The following MN1 variants were observed in gnomAD, a reference collection of about 807,000 sequenced individuals.
MN1 encodes the protein transcriptional activator MN1.
MN1 carries 19 observed loss-of-function variants against 86.9 expected under a neutral mutation model. The observed-to-expected ratio is 0.22, with a 90% confidence interval of 0.15 to 0.32. The LOEUF is 0.32. Ranked by LOEUF, MN1 falls within the 10% of genes least tolerant of loss-of-function variation. MN1 has a pLI of 1.00. For synonymous variants in MN1, 928 were observed against 849.6 expected (o/e 1.09, Z -1.60); for missense variants, 1,841 against 1,862.0 (o/e 0.99, Z 0.21).
intron 1 of MN1, among the ~76,000 whole-genome samples, chr22:27,776,237 G>A (rs1267339959): frequency 6.6e-6 from 1 of 152,158 alleles, no homozygotes; most frequent in Admixed American, 6.5e-5. Flanking sequence ...TTTGCAGTGG[G>A]GCAGGCTCTC....
At position 27,797,572 on chromosome 22, in the gene MN1, G is replaced by C; in HGVS notation, c.2972C>G (p.Ala991Gly). 4.4e-6 allele frequency: 7 copies of C among 1,604,704 alleles called. No homozygotes were observed. Among genetic ancestry groups the C allele is most frequent in the Non-Finnish European group, 6.0e-6 (7 of 1,175,746 alleles). The change falls in exon 1 of 2, where the codon GCA becomes GGA. Residue 991 changes from alanine (A) to glycine (G), a missense_variant. Physicochemically the swap from Ala to Gly is moderately conservative, Grantham distance 60 (BLOSUM62 0). Transcript: ENST00000302326. The part of the protein sequence containing the change: ...ASGAAVGGSS[A>G]GETRGAPTPH... ...CGTCGGTGCCCCGCGCGTCTCGCCT[G>C]CGGAGCTTCCCCCGACGGCTGCGCC...
chr22:27,799,910 A>G lies in MN1; in HGVS notation c.634T>C (p.Ser212Pro), dbSNP rs1299999031. 1.9e-6 allele frequency: 3 copies of G among 1,601,916 alleles called. No homozygotes were observed. The highest frequency in any genetic ancestry group is 2.6e-6 in the Non-Finnish European group (3 of 1,175,214). The change falls in exon 1 of 2, where the codon TCC becomes CCC. Residue 212 changes from serine to proline, a missense_variant. By Grantham distance (74) the Ser-to-Pro change is moderately conservative. Coordinates refer to ENST00000302326, the MANE Select transcript of MN1 (RefSeq NM_002430.3). ...SFHGLPSSSGSDSHSLEPRRV... is the reference protein window; with the variant it reads ...SFHGLPSSSGPDSHSLEPRRV... Reference sequence around the variant, plus strand: ...CGTGGCTCCAGACTGTGGGAATCGGAGCCGCTGGAGGACGGCAGGCCGTGG... The same window carrying G: ...CGTGGCTCCAGACTGTGGGAATCGGGGCCGCTGGAGGACGGCAGGCCGTGG...
intron 1 of MN1, among the ~76,000 whole-genome samples, chr22:27,771,025 A>G (rs986293979): frequency 8.6e-5 from 13 of 151,976 alleles, no homozygotes; most frequent in African/African-American, 2.9e-4. Flanking sequence ...AATAATAGTC[A>G]TTGGGTCCAT....
intron 1 of MN1, among the ~76,000 whole-genome samples, chr22:27,769,844 G>A (rs556314850): frequency 6.2e-5 from 9 of 145,674 alleles, no homozygotes; most frequent in South Asian, 4.8e-4. Flanking sequence ...ATGAGCAACT[G>A]TGCCCGGCAA....
intron 1 of MN1, among the ~76,000 whole-genome samples, chr22:27,773,619 G>C (rs975583364): frequency 6.6e-6 from 1 of 152,148 alleles, no homozygotes; most frequent in Non-Finnish European, 1.5e-5. Context: ...AGGATGCTAG[G>C]ACCCAAACCC....
intron 1 of MN1, among the ~76,000 whole-genome samples, chr22:27,777,767 C>T (rs1932998643): frequency 6.6e-6 from 1 of 151,326 alleles, no homozygotes; most frequent in East Asian, 1.9e-4. Flanking sequence ...TGCTAGCTAC[C>T]AGGGAGGCTG....
chr22:27,793,282 A>G (rs1484881558), intron 1 of MN1, among the ~76,000 whole-genome samples: 1 of 151,854 alleles, frequency 6.6e-6, no homozygotes, highest in Non-Finnish European at 1.5e-5. Flanking sequence ...TCTATAATCT[A>G]TCATTATCTC....
rs537733430 is a variant in MN1, at chr22:27,773,950, G to A, written c.3781+22813C>T. 2.6e-5 allele frequency among the ~76,000 whole-genome samples: 4 copies of A among 152,170 alleles called. No individual in the cohort carries two copies. The South Asian group carries it at 8.3e-4, about 32-fold the overall frequency. Reference sequence around the variant, plus strand: ...ATTACAGGCGTGAGCCACCGCGCCCGGCCTTGATCCTTTGATGTACATGAG... The same window carrying A: ...ATTACAGGCGTGAGCCACCGCGCCCAGCCTTGATCCTTTGATGTACATGAG... On this transcript the variant is annotated intron_variant, in intron 1 of 1. Coordinates refer to ENST00000302326, the MANE Select transcript of MN1 (RefSeq NM_002430.3).
rs760703202 is a variant in MN1 at position 27,751,067 on chromosome 22, C to T, written c.3811G>A (p.Ala1271Thr). The change falls in exon 2 of 2, where the codon GCA (alanine) becomes ACA (threonine). Residue 1271 changes from alanine to threonine, a missense_variant. Coordinates refer to ENST00000302326, the MANE Select transcript of MN1 (RefSeq NM_002430.3). ...TGCAAGTGGCTGCCAGGCTGGGATG[C>T]TGAGGCCTTGTTTGCAGGGAGGTCG... ...AHDLPANKAS[A>T]SQPGSHLQCL... The T allele has an allele frequency of 1.5e-5, 24 of 1,591,640 alleles. No individual in the cohort carries two copies. Among genetic ancestry groups the T allele is most frequent in the Non-Finnish European group, 1.6e-5 (19 of 1,165,942 alleles).
At chr22:27,772,626 C>T (rs1005131659) in intron 1 of MN1, among the ~76,000 whole-genome samples, 1 of 152,138 alleles carries the variant, frequency 6.6e-6, no homozygotes, top group Admixed American at 6.5e-5. Context: ...GAGTGGTGTG[C>T]TGGTGAGAGC....
At chr22:27,767,795 GAA>G (rs1052665768) in intron 1 of MN1, among the ~76,000 whole-genome samples, 1 of 151,424 alleles carries the variant, frequency 6.6e-6, no homozygotes, top group Non-Finnish European at 1.5e-5. Flanking sequence ...TTGACAAAAA[GAA>G]AAAAAAGAGA....
intron 1 of MN1, among the ~76,000 whole-genome samples, chr22:27,783,887 G>A (rs142154998): frequency 6.6e-6 from 1 of 152,282 alleles, no homozygotes; most frequent in Non-Finnish European, 1.5e-5. Flanking sequence ...ACCCAGGCAG[G>A]GAAAACTGGG....
At chr22:27,768,181 C>T (rs1932885057) in intron 1 of MN1, among the ~76,000 whole-genome samples, 1 of 152,114 alleles carries the variant, frequency 6.6e-6, no homozygotes, top group South Asian at 2.1e-4. Flanking sequence ...CCTGCCTTCC[C>T]CTTTGGCCCA....
At chr22:27,783,350 T>C (rs767324910) in intron 1 of MN1, among the ~76,000 whole-genome samples, 17 of 152,144 alleles carry the variant, frequency 1.1e-4, no homozygotes, top group Non-Finnish European at 7.4e-5. Context: ...CATGCTGGTC[T>C]CGAACTCCTG....
At position 27,798,820 on chromosome 22, in the gene MN1, A is replaced by G. The variant is rs1458025954; in HGVS notation, c.1724T>C (p.Leu575Pro). The stretch of plus-strand genomic sequence containing the variant: ...GTCCCCGGGGTGGCCTAGCTGAGCC[A>G]GGTTGGGCTGGCGCAGCCGCTGCTG... ...NQQQRLRQPN[L>P]AQLGHPGDVG... is the part of the protein sequence containing the mutation. The change falls in exon 1 of 2, where the codon CTG (leucine) becomes CCG (proline). Residue 575 changes from leucine to proline, a missense_variant. Transcript: ENST00000302326. The G allele has an allele frequency of 6.5e-7, 1 of 1,537,604 alleles. No homozygotes were observed. Among genetic ancestry groups the G allele is most frequent in the African/African-American group, 1.4e-5 (1 of 73,024 alleles).
chr22:27,775,739 C>T (rs764119314), intron 1 of MN1, among the ~76,000 whole-genome samples: 7 of 152,202 alleles, frequency 4.6e-5, no homozygotes, highest in African/African-American at 7.2e-5. Flanking sequence ...GAGTCCCCTC[C>T]GACTCTAATG....
intron 1 of MN1, among the ~76,000 whole-genome samples, chr22:27,794,395 C>T (rs1264080155): frequency 1.3e-5 from 2 of 152,160 alleles, no homozygotes; most frequent in East Asian, 1.9e-4. Context: ...ACTGTCCTTC[C>T]CACACCACAG....
At chr22:27,762,375 T>C (rs545539440) in intron 1 of MN1, among the ~76,000 whole-genome samples, 82 of 152,280 alleles carry the variant, frequency 5.4e-4, no homozygotes, top group African/African-American at 1.7e-3. Flanking sequence ...AGGGAAGGCC[T>C]GGGGGCAATA....
At chr22:27,790,813 G>A (rs1365535297) in intron 1 of MN1, among the ~76,000 whole-genome samples, 1 of 152,140 alleles carries the variant, frequency 6.6e-6, no homozygotes, top group South Asian at 2.1e-4. Context: ...ACCCAGCGAG[G>A]GGCGACGTGC....
Sources: gnomAD v4.1 joint callset for allele counts (sites outside exome capture counted in the v4.1 genomes callset) on GRCh38, gnomAD v4.1.1 for gene constraint, MANE v1.5 for transcripts, NCBI Gene and HGNC (gene_info 2026-07-23, HGNC 2026-07-21) for gene names.